Variants in ARMC2 observed in about 807,000 individuals in gnomAD.
ARMC2 encodes the protein armadillo repeat-containing protein 2.
Under a neutral mutation model 90.3 loss-of-function variants are expected in ARMC2, and 67 were observed. The observed-to-expected ratio is 0.74, with a 90% CI of 0.61 to 0.91. ARMC2 has a LOEUF of 0.91. ARMC2 is among the 40% of genes least tolerant of loss of function. The pLI, the probability that ARMC2 is intolerant of heterozygous loss-of-function variation, is 0.00. For missense variants in ARMC2, 920 were observed against 1,030.9 expected (o/e 0.89, Z 1.47); for synonymous variants, 393 against 393.0 (o/e 1.00, Z 0.00).
At chr6:109,004,614 T>G in the ARMC2 span, among the ~76,000 whole-genome samples, 1 of 145,222 alleles carries the variant, frequency 6.9e-6, no homozygotes, top group African/African-American at 2.9e-5. Context: ...GTATTTTTAG[T>G]AGAGACAGGG....
At chr6:109,038,113 A>C in the ARMC2 span, among the ~76,000 whole-genome samples, 1 of 152,208 alleles carries the variant, frequency 6.6e-6, no homozygotes, top group African/African-American at 2.4e-5. Context: ...CAAAGTAGAC[A>C]TTTTGTCCTG....
chr6:108,985,598 G>T, the ARMC2 span, among the ~76,000 whole-genome samples: 6 of 152,108 alleles, frequency 3.9e-5, no homozygotes, highest in Non-Finnish European at 8.8e-5. Context: ...TTAAAATTTT[G>T]ATTTCAATTT....
At chr6:109,049,061 A>C in the ARMC2 span, among the ~76,000 whole-genome samples, 6 of 152,232 alleles carry the variant, frequency 3.9e-5, no homozygotes, top group African/African-American at 1.4e-4. Flanking sequence ...CATGTGTATG[A>C]ATAAATGACA....
chr6:109,040,931 C>T, the ARMC2 span, among the ~76,000 whole-genome samples: 3 of 151,828 alleles, frequency 2.0e-5, no homozygotes, highest in Admixed American at 6.6e-5. Context: ...GGATTACAGG[C>T]GTGAGCCACC....
chr6:108,995,467 G>C, the ARMC2 span, among the ~76,000 whole-genome samples: 2 of 152,192 alleles, frequency 1.3e-5, no homozygotes, highest in African/African-American at 2.4e-5. Flanking sequence ...GGGATGACTA[G>C]AGCAGTGTCA....
chr6:108,984,513 A>G, the ARMC2 span, among the ~76,000 whole-genome samples: 1 of 151,768 alleles, frequency 6.6e-6, no homozygotes, highest in Admixed American at 6.6e-5. Flanking sequence ...TGATCTTATC[A>G]CCTCCCAAAG....
chr6:108,959,019 C>T (rs1372698247), intron 13 of ARMC2, among the ~76,000 whole-genome samples: 2 of 152,198 alleles, frequency 1.3e-5, no homozygotes, highest in African/African-American at 4.8e-5. Context: ...TATTTCCTTA[C>T]AGTAGAATCC....
intron 10 of ARMC2, 123 bp downstream of exon 10, chr6:108,912,681 G>T: frequency 1.2e-6 from 1 of 856,114 alleles, no homozygotes; most frequent in Non-Finnish European, 1.8e-6. Context: ...GGCCTCCAAG[G>T]GCAGCAGCCA....
intron 17 of ARMC2, among the ~76,000 whole-genome samples, chr6:108,969,923 C>A (rs1285754051): frequency 6.6e-6 from 1 of 152,024 alleles, no homozygotes; most frequent in African/African-American, 2.4e-5. Flanking sequence ...GTAGTCTTAG[C>A]CACTCAGGAA....
chr6:109,018,199 T>C, the ARMC2 span, among the ~76,000 whole-genome samples: 10 of 152,320 alleles, frequency 6.6e-5, no homozygotes, highest in African/African-American at 2.4e-4. Context: ...AAATATTAGA[T>C]TTGAACTTTG....
At position 108,862,601 on chromosome 6, in the gene ARMC2, T is replaced by A. The variant is rs1234379603; in HGVS notation, c.291+4330T>A. 1.3e-5 allele frequency among the ~76,000 whole-genome samples: 2 copies of A among 152,110 alleles called. 1 individual carries two copies. The highest frequency in any genetic ancestry group is 4.1e-4 in the South Asian group (2 of 4,828). On this transcript the variant is annotated intron_variant, in intron 3 of 17. Coordinates refer to ENST00000392644, the MANE Select transcript of ARMC2 (RefSeq NM_032131.6). ...TTTCTTCTTTATCACTTCATTTTTTTAAAGAACTCTTTGCCTCTGATAACC... is the reference window on the plus strand; with the variant it reads ...TTTCTTCTTTATCACTTCATTTTTTAAAAGAACTCTTTGCCTCTGATAACC...
chr6:108,998,610 A>T, the ARMC2 span: 2 of 1,613,962 alleles, frequency 1.2e-6, no homozygotes. Context: ...AGGAGGTCTG[A>T]ATGTGTGGCC....
intron 2 of ARMC2, among the ~76,000 whole-genome samples, chr6:108,855,862 T>G (rs887159466): frequency 2.0e-5 from 3 of 152,220 alleles, no homozygotes; most frequent in Non-Finnish European, 2.9e-5. Context: ...TCTTCTTTGG[T>G]CAGGTGTCTG....
At chr6:109,019,809 CT>C in the ARMC2 span, among the ~76,000 whole-genome samples, 1 of 152,160 alleles carries the variant, frequency 6.6e-6, no homozygotes, top group Non-Finnish European at 1.5e-5. Context: ...ACAATTAGAA[CT>C]TGCTTTATGT....
At chr6:108,853,269 A>G (rs1248761318) in intron 1 of ARMC2, among the ~76,000 whole-genome samples, 1 of 152,220 alleles carries the variant, frequency 6.6e-6, no homozygotes, top group Admixed American at 6.5e-5. Context: ...TTATGTAACA[A>G]TGTTTAGAAT....
chr6:108,918,070 A>G (rs1323172732), intron 10 of ARMC2, among the ~76,000 whole-genome samples: 2 of 152,190 alleles, frequency 1.3e-5, no homozygotes, highest in Admixed American at 6.5e-5. Context: ...AAGAGCAGGT[A>G]AGATCAAAAA....
At position 108,880,741 on chromosome 6, in the gene ARMC2, C is replaced by CTCCG. The variant is rs1562345702; in HGVS notation, c.671+4394_671+4395insGTCC. 1.4e-4 allele frequency among the ~76,000 whole-genome samples: 20 copies of CTCCG among 141,242 alleles called. 1 individual carries two copies. The highest frequency in any genetic ancestry group is 5.0e-4 in the African/African-American group (19 of 37,738). 92.7% of individuals were successfully genotyped at this position (141,242 alleles called of 152,430 possible). A position where few individuals can be genotyped will look rare whatever the true frequency, so the allele number is the denominator to read the frequency against. On this transcript the variant is annotated intron_variant, in intron 5 of 17. Transcript: ENST00000392644. The stretch of plus-strand genomic sequence containing the variant: ...TCCTTCCCCCTTCCCTCTCCCTCTT[C>CTCCG]TCCTTCCTTCCTTCCCCCTTTCCGT...
intron 13 of ARMC2, among the ~76,000 whole-genome samples, chr6:108,956,735 T>TC (rs1777613830): frequency 6.6e-6 from 1 of 152,086 alleles, no homozygotes; most frequent in East Asian, 1.9e-4. Context: ...CTCACACCTG[T>TC]CATCCCAGCA....
chr6:108,902,729 A>G (rs139299363), intron 7 of ARMC2, among the ~76,000 whole-genome samples: 37 of 152,284 alleles, frequency 2.4e-4, no homozygotes, highest in Non-Finnish European at 4.4e-5. Context: ...GGCTTCTAAG[A>G]GCACATTATG....
Sources: gnomAD v4.1 joint callset for allele counts (sites outside exome capture counted in the v4.1 genomes callset) on GRCh38, gnomAD v4.1.1 for gene constraint, MANE v1.5 for transcripts, NCBI Gene and HGNC (gene_info 2026-07-23, HGNC 2026-07-21) for gene names.